The following PRH1 variants were observed in gnomAD, a reference collection of about 807,000 sequenced individuals.
PRH1 encodes salivary acidic proline-rich phosphoprotein 1/2.
A neutral mutation model predicts 7.9 loss-of-function variants in PRH1; 7 were observed. The ratio of observed to expected loss-of-function variants is 0.89; its 90% CI spans 0.50 to 1.67. PRH1 has a LOEUF of 1.67. Ranked by LOEUF, PRH1 falls within the 40% of genes most tolerant of loss-of-function variation. The pLI, the probability that PRH1 is intolerant of heterozygous loss-of-function variation, is 0.00. For missense variants in PRH1, 109 were observed against 223.6 expected, an observed-to-expected ratio of 0.49 and a Z score of 3.27; for synonymous variants, 45 against 80.8, an observed-to-expected ratio of 0.56 and a Z score of 2.38.
At chr12:10,985,922 C>T in intron 1 of PRH1, 1 of 1,550,386 alleles carries the variant, frequency 6.5e-7, no homozygotes, top group South Asian at 1.3e-5. Flanking sequence ...CAATGTCCCA[C>T]TTGTGAATCT....
intron 1 of PRH1, among the ~76,000 whole-genome samples, chr12:11,036,627 C>T (rs549290994): frequency 6.6e-6 from 1 of 152,306 alleles, no homozygotes; most frequent in Non-Finnish European, 1.5e-5. Context: ...TGAAGGTCAT[C>T]CATAAATAAT....
intron 2 of PRH1, among the ~76,000 whole-genome samples, chr12:10,951,475 C>T (rs1937664610): frequency 6.6e-6 from 1 of 152,108 alleles, no homozygotes; most frequent in Non-Finnish European, 1.5e-5. Flanking sequence ...ACATATACAC[C>T]CATACACATA....
chr12:11,035,010 T>C (rs950091536), intron 1 of PRH1: 2 of 152,074 alleles, frequency 1.3e-5, no homozygotes, highest in Non-Finnish European at 2.9e-5. Flanking sequence ...CATGAATCCA[T>C]TGAACTCTAG....
At chr12:10,922,825 C>CTT (rs139253542) in intron 2 of PRH1, among the ~76,000 whole-genome samples, 6,191 of 113,504 alleles carry the variant, frequency 0.055, 1,000 homozygotes, top group African/African-American at 0.16. Flanking sequence ...TGAATTTTTT[C>CTT]TTTTTCTTTT....
chr12:11,092,082 C>T lies in PRH1; in HGVS notation n.124-44894G>A, dbSNP rs1315999522. 3.3e-6 allele frequency: 5 copies of T among 1,506,718 alleles called. 1 individual carries two copies. The highest frequency in any genetic ancestry group is 4.5e-6 in the Non-Finnish European group (5 of 1,100,904). 93.3% of individuals were successfully genotyped at this position (1,506,718 alleles called of 1,614,324 possible). On this transcript the variant is annotated intron_variant and non_coding_transcript_variant, in intron 1 of 4. Transcript: ENST00000541977. ...AAACCAACTCTGGAGACCGCCAGAG[C>T]AGTGAGAATTTGGTCAGCAAAGGAG...
intron 1 of PRH1, among the ~76,000 whole-genome samples, chr12:11,037,213 C>A (rs35972994): frequency 0.22 from 31,702 of 145,550 alleles, no homozygotes; most frequent in East Asian, 0.46. Context: ...TTTAGTTTAT[C>A]TTTTAATAGC....
chr12:10,895,219 A>G (rs563596034), intron 2 of PRH1: 1 of 152,288 alleles, frequency 6.6e-6, no homozygotes, highest in African/African-American at 2.4e-5. Context: ...CTGTGCTGGG[A>G]TCCCTGGAAT....
In PRH1 at chr12:11,041,154, T is replaced by C. The variant is rs530936663; in HGVS notation, c.-126+5866A>G. Among the ~76,000 whole-genome samples, 174 of 129,328 alleles carry C rather than the reference T, an allele frequency of 1.3e-3. 2 individuals carry two copies. The highest frequency in any genetic ancestry group is 3.1e-3 in the Admixed American group (40 of 12,892). 84.8% of individuals were successfully genotyped at this position (129,328 alleles called of 152,430 possible). A position where few individuals can be genotyped will look rare whatever the true frequency, so the allele number is the denominator to read the frequency against. On this transcript the variant is annotated intron_variant, in intron 1 of 3. Coordinates refer to the PRH1 transcript ENST00000539853. ...GACTAAACTCTCCAATCAAAAGACA[T>C]AGTTTGGCTAAATGGAAAAACAAAA... is the stretch of plus-strand genomic sequence containing the variant.
At chr12:10,890,851 C>G (rs1436815593) in intron 2 of PRH1, among the ~76,000 whole-genome samples, 1 of 150,774 alleles carries the variant, frequency 6.6e-6, no homozygotes, top group Non-Finnish European at 1.5e-5. Flanking sequence ...TTTTTTTTTC[C>G]TCTTGGCTTC....
chr12:10,973,850 T>C (rs1565512619), intron 1 of PRH1: 3 of 489,618 alleles, frequency 6.1e-6, no homozygotes, highest in East Asian at 3.2e-5. Context: ...TCAACTTATA[T>C]ATTTAATGCA....
chr12:11,108,065 A>G (rs1049313156), intron 1 of PRH1, among the ~76,000 whole-genome samples: 2 of 152,238 alleles, frequency 1.3e-5, no homozygotes, highest in Non-Finnish European at 2.9e-5. Flanking sequence ...TTCAGCCTAG[A>G]ATAGTGTAAC....
intron 2 of PRH1, among the ~76,000 whole-genome samples, chr12:10,952,855 G>A (rs539860311): frequency 6.6e-6 from 1 of 152,302 alleles, no homozygotes; most frequent in South Asian, 2.1e-4. Context: ...GTGTTAACAA[G>A]CTTGCGTTAC....
intron 1 of PRH1, among the ~76,000 whole-genome samples, chr12:10,975,389 C>T (rs1262254473): frequency 1.3e-5 from 2 of 152,102 alleles, no homozygotes; most frequent in African/African-American, 4.8e-5. Context: ...GATTTCATTA[C>T]CACCAGCCGT....
intron 1 of PRH1, among the ~76,000 whole-genome samples, chr12:11,074,324 G>GA (rs199837440): frequency 0.014 from 2,173 of 151,824 alleles, no homozygotes; most frequent in South Asian, 0.03. Context: ...CTTTGGAGCA[G>GA]AAAGTGGACA....
intron 1 of PRH1, among the ~76,000 whole-genome samples, chr12:10,981,864 A>ATTTTTT (rs3033036): frequency 1.4e-5 from 2 of 141,664 alleles, no homozygotes; most frequent in Non-Finnish European, 3.1e-5. Flanking sequence ...CAAACAACTA[A>ATTTTTT]TTTTTTTTTT....
In PRH1 at chr12:11,061,216, A is replaced by G. The variant is rs1943585289; in HGVS notation, n.124-14028T>C. Reference sequence around the variant, plus strand: ...CATATATATACATACGCACTTTTTTAGACTAACGTTAGGTAAAAGACTTTT... The same window carrying G: ...CATATATATACATACGCACTTTTTTGGACTAACGTTAGGTAAAAGACTTTT... On this transcript the variant is annotated intron_variant and non_coding_transcript_variant, in intron 1 of 4. Coordinates refer to the PRH1 transcript ENST00000541977. The G allele has an allele frequency of 4.6e-6, 5 of 1,083,640 alleles. No individual in the cohort carries two copies. In the South Asian group the frequency reaches 1.0e-4, roughly 22 times the overall value. The allele number at this position is 1,083,640 out of a possible 1,614,324, so 67.1% of individuals were successfully genotyped here.
chr12:11,151,535 A>G (rs1223991078), intron 1 of PRH1, among the ~76,000 whole-genome samples: 2 of 152,204 alleles, frequency 1.3e-5, no homozygotes, highest in African/African-American at 2.4e-5. Context: ...ATGAAGTGAC[A>G]GCCAGCTAAA....
At chr12:11,062,948 C>T (rs1943675254) in intron 1 of PRH1, among the ~76,000 whole-genome samples, 1 of 152,056 alleles carries the variant, frequency 6.6e-6, no homozygotes, top group Non-Finnish European at 1.5e-5. Flanking sequence ...CACACAAACA[C>T]ACACATGTGC....
rs187974315 is a variant in PRH1 at position 11,088,648 on chromosome 12, T to C, written n.124-41460A>G. ...TATTGGGATTTTGGAGACAACATAT[T>C]CCACATTTGAGAATATAGCTCTGAC... On this transcript the variant is annotated intron_variant and non_coding_transcript_variant, in intron 1 of 4. Transcript: ENST00000541977. Among the ~76,000 whole-genome samples the C allele has an allele frequency of 3.0e-4, 34 of 113,598 alleles. 6 individuals are homozygous for C. The highest frequency in any genetic ancestry group is 9.2e-4 in the African/African-American group (31 of 33,764). 74.5% of individuals were successfully genotyped at this position (113,598 alleles called of 152,430 possible).
Sources: allele counts gnomAD v4.1 joint callset (sites outside exome capture counted in the v4.1 genomes callset), GRCh38; gene constraint gnomAD v4.1.1; transcripts MANE v1.5; gene names NCBI Gene and HGNC (gene_info 2026-07-23, HGNC 2026-07-21).